The following VTI1B variants were observed in gnomAD, a reference collection of about 807,000 sequenced individuals.
The protein encoded by VTI1B is vesicle transport through interaction with t-SNAREs 1B, also known as vesicle transport through interaction with t-SNAREs homolog 1B.
In VTI1B, 18 loss-of-function variants were observed where a neutral mutation model predicts 28.6. The observed-to-expected ratio is 0.63, with a 90% CI of 0.43 to 0.93. VTI1B has a LOEUF of 0.93. Ranked by LOEUF, VTI1B falls within the 40% of genes least tolerant of loss-of-function variation. The probability of loss-of-function intolerance (pLI) is 0.00; values close to 1 mark genes in which losing one functional copy is unlikely to be tolerated. For synonymous variants in VTI1B, 100 were observed against 107.9 expected (o/e 0.93, Z 0.46); for missense variants, 283 against 297.0 (o/e 0.95, Z 0.35).
In VTI1B at chr14:67,672,105, G is replaced by A. The variant is rs1017218817; in HGVS notation, c.115+2270C>T. 4.0e-5 allele frequency among the ~76,000 whole-genome samples: 6 copies of A among 150,864 alleles called. 1 individual carries two copies. Among genetic ancestry groups the A allele is most frequent in the African/African-American group, 9.7e-5 (4 of 41,282 alleles). ...ATTGCAAAAATTAATTCAGTGCCAGGTTGAAAATGCAGTCTACATTTTTTT... is the reference window on the plus strand; with the variant it reads ...ATTGCAAAAATTAATTCAGTGCCAGATTGAAAATGCAGTCTACATTTTTTT... On this transcript the variant is annotated intron_variant, in intron 1 of 5. Transcript: ENST00000554659.
At chr14:67,654,784 C>T (rs2037232429) in intron 4 of VTI1B, among the ~76,000 whole-genome samples, 1 of 152,052 alleles carries the variant, frequency 6.6e-6, no homozygotes, top group South Asian at 2.1e-4. Flanking sequence ...AATTCTAGCA[C>T]TTTGGGAGGC....
At chr14:67,666,136 C>T (rs2037399694) in intron 1 of VTI1B, among the ~76,000 whole-genome samples, 1 of 152,218 alleles carries the variant, frequency 6.6e-6, no homozygotes, top group African/African-American at 2.4e-5. Context: ...CCAAGCCAGA[C>T]AGTAAGAAGC....
At chr14:67,671,024 G>A (rs1409044180) in intron 1 of VTI1B, among the ~76,000 whole-genome samples, 1 of 152,134 alleles carries the variant, frequency 6.6e-6, no homozygotes, top group East Asian at 1.9e-4. Context: ...ACTTTATGAT[G>A]TGGTCTCTGA....
chr14:67,665,146 C>G (rs1399941709), intron 1 of VTI1B, among the ~76,000 whole-genome samples: 3 of 152,210 alleles, frequency 2.0e-5, no homozygotes, highest in Non-Finnish European at 4.4e-5. Context: ...AGCTAGTGCA[C>G]CCGGCCAAGC....
intron 1 of VTI1B, chr14:67,663,031 G>T: frequency 7.1e-7 from 1 of 1,412,596 alleles, no homozygotes. Context: ...CCACCTACTC[G>T]GCTTGCTGAG....
At position 67,651,427 on chromosome 14, in the gene VTI1B, G is replaced by A. The variant is rs1689239171; in HGVS notation, c.657C>T (p.Ile219=). 8 of 1,613,936 alleles carry A rather than the reference G, an allele frequency of 5.0e-6. No homozygotes were observed. Among genetic ancestry groups the A allele is most frequent in the Non-Finnish European group, 5.9e-6 (7 of 1,179,912 alleles). ...LSIIILLELA[I]LGGLVYYKFF... ...ATTTGTAGTAAACCAGGCCTCCCAG[G>A]ATGGCGAGCTCCAGTAAGATGATAA... The change falls in exon 6 of 6, where the codon ATC becomes ATT. Residue 219 remains isoleucine (I), a synonymous_variant. Transcript: ENST00000554659.
intron 1 of VTI1B, among the ~76,000 whole-genome samples, chr14:67,665,342 C>A (rs12100925): frequency 0.083 from 12,561 of 150,934 alleles, 722 homozygotes; most frequent in East Asian, 0.23. Flanking sequence ...CCTCGACCTC[C>A]CAGGCTGAAG....
intron 1 of VTI1B, among the ~76,000 whole-genome samples, chr14:67,663,614 C>T (rs1341300380): frequency 6.6e-6 from 1 of 152,134 alleles, no homozygotes; most frequent in Non-Finnish European, 1.5e-5. Context: ...GCGGAGCTTG[C>T]AGTGAGCCAA....
In VTI1B at chr14:67,650,866, T is replaced by G; in HGVS notation, c.*519A>C. On this transcript the variant is annotated 3_prime_UTR_variant, in exon 6 of 6. Coordinates refer to ENST00000554659, the MANE Select transcript of VTI1B (RefSeq NM_006370.3). ...GAGGGCATATTGTCTATGACCAACT[T>G]CCTACTCCCAGTTCACCAGATGAAT... The G allele has an allele frequency of 6.2e-7, 1 of 1,614,210 alleles. No individual in the cohort carries two copies. The highest frequency in any genetic ancestry group is 8.5e-7 in the Non-Finnish European group (1 of 1,180,024).
intron 1 of VTI1B, 48 bp downstream of exon 1, chr14:67,674,327 A>C: frequency 1.3e-6 from 2 of 1,482,884 alleles, no homozygotes; most frequent in Non-Finnish European, 1.8e-6. Context: ...CTTCCTTCCA[A>C]AGCGCGCAGG....
chr14:67,655,077 T>C (rs2037237585), intron 4 of VTI1B, among the ~76,000 whole-genome samples: 2 of 142,444 alleles, frequency 1.4e-5, no homozygotes, highest in South Asian at 4.5e-4. Flanking sequence ...CAGTGGCTCA[T>C]GCCTGTAATC....
intron 2 of VTI1B, 119 bp from the exon 3 acceptor site, chr14:67,660,041 A>G (rs1025926033): frequency 3.9e-6 from 4 of 1,038,088 alleles, no homozygotes; most frequent in African/African-American, 3.2e-5. Context: ...GTAAATAACC[A>G]TATGCTCCAT....
chr14:67,658,204 A>AAG lies in VTI1B; in HGVS notation c.366+1526_366+1527insCT, dbSNP rs1381041587. Among the ~76,000 whole-genome samples, 3 of 149,216 alleles carry AAG rather than the reference A, an allele frequency of 2.0e-5. No individual in the cohort carries two copies. The East Asian group carries it at 6.3e-4, about 31-fold the overall frequency. On this transcript the variant is annotated intron_variant, in intron 3 of 5. Transcript: ENST00000554659. ...AGATTTTCAACTGAGTAGGCTAAAAAATGACTAAGAAAAGATCAGATCACA... is the reference window on the plus strand; with the variant it reads ...AGATTTTCAACTGAGTAGGCTAAAAAAGATGACTAAGAAAAGATCAGATCACA...
rs1446933663 is a variant in VTI1B at position 67,659,607 on chromosome 14, G to A, written c.366+124C>T. The stretch of plus-strand genomic sequence containing the variant: ...ACTGGATGCAGAAAAGAGGATAAGG[G>A]TGAAAAAAATGAAACAAGAGTCTAG... On this transcript the variant is annotated intron_variant, in intron 3 of 5. Transcript: ENST00000554659. 125 of 994,648 alleles carry A rather than the reference G, an allele frequency of 1.3e-4. 2 individuals are homozygous for A. In the South Asian group the frequency reaches 2.2e-3, roughly 17 times the overall value. 61.6% of individuals were successfully genotyped at this position (994,648 alleles called of 1,614,324 possible).
intron 1 of VTI1B, 99 bp from the exon 2 acceptor site, chr14:67,662,634 G>C: frequency 9.3e-7 from 1 of 1,077,278 alleles, no homozygotes; most frequent in Non-Finnish European, 1.3e-6. Flanking sequence ...GGCAGGGCCT[G>C]GTGGCTCATG....
At chr14:67,654,346 T>C (rs1289001501) in intron 4 of VTI1B, among the ~76,000 whole-genome samples, 1 of 147,092 alleles carries the variant, frequency 6.8e-6, no homozygotes, top group Non-Finnish European at 1.5e-5. Flanking sequence ...TCTCGCTATG[T>C]TGCCCAGGCT....
At chr14:67,667,138 G>A (rs1375907450) in intron 1 of VTI1B, among the ~76,000 whole-genome samples, 1 of 152,118 alleles carries the variant, frequency 6.6e-6, no homozygotes, top group Non-Finnish European at 1.5e-5. Flanking sequence ...ATGCTGACAT[G>A]GAGTAAAATG....
In VTI1B at chr14:67,651,237, TCTTTC is replaced by T; in HGVS notation, c.*143_*147del. The T allele has an allele frequency of 4.0e-6, 6 of 1,482,186 alleles. No individual in the cohort carries two copies. The highest frequency in any genetic ancestry group is 5.4e-6 in the Non-Finnish European group (6 of 1,115,420). The allele number at this position is 1,482,186 out of a possible 1,614,324, so 91.8% of individuals were successfully genotyped here. On this transcript the variant is annotated 3_prime_UTR_variant, in exon 6 of 6. Transcript: ENST00000554659. ...TCCTTCACATTTAAGTGGTTTTTCA[TCTTTC>T]CTCCCTCCTCCCACAGCCTGGCTAT... is the stretch of plus-strand genomic sequence containing the variant.
intron 1 of VTI1B, among the ~76,000 whole-genome samples, chr14:67,666,297 T>C (rs1033855243): frequency 1.3e-5 from 2 of 152,210 alleles, no homozygotes; most frequent in Admixed American, 6.5e-5. Context: ...TCTAGAATGA[T>C]TCCAGGAATG....
Sources: gnomAD v4.1 joint callset for allele counts (sites outside exome capture counted in the v4.1 genomes callset) on GRCh38, gnomAD v4.1.1 for gene constraint, MANE v1.5 for transcripts, NCBI Gene and HGNC (gene_info 2026-07-23, HGNC 2026-07-21) for gene names.